Variants in SLC16A7 observed in about 807,000 individuals in gnomAD.
SLC16A7 encodes the protein monocarboxylate transporter 2.
Under a neutral mutation model 34.9 loss-of-function variants are expected in SLC16A7, and 33 were observed. The observed-to-expected ratio is 0.94, with a 90% CI of 0.72 to 1.26. SLC16A7 has a LOEUF of 1.26. SLC16A7 is among the 50% of genes most tolerant of loss of function. SLC16A7 has a pLI of 0.00. For missense variants in SLC16A7, 573 were observed against 578.1 expected (o/e 0.99, Z 0.09); for synonymous variants, 201 against 206.6 (o/e 0.97, Z 0.23).
At chr12:59,738,792 C>A (rs1051975730) in intron 3 of SLC16A7, among the ~76,000 whole-genome samples, 2 of 151,310 alleles carry the variant, frequency 1.3e-5, no homozygotes, top group Non-Finnish European at 2.9e-5. Flanking sequence ...GGATACTGAT[C>A]CTTATTAAGA....
intron 2 of SLC16A7, chr12:59,664,767 A>C (rs1012193222): frequency 1.3e-5 from 2 of 152,152 alleles, no homozygotes; most frequent in African/African-American, 4.8e-5. Context: ...CAGGTTCTTG[A>C]AAAAGAGAAA....
rs149403826 is a variant in SLC16A7, at chr12:59,760,539, A to G, written c.218-10680A>G. ...AGAAGAGATTAACAACAATTCATAA[A>G]AAAGAACAATAATATACTTTAGTAA... On this transcript the variant is annotated intron_variant, in intron 3 of 5. Coordinates refer to ENST00000547379, the MANE Select transcript of SLC16A7 (RefSeq NM_001270623.2). Among the ~76,000 whole-genome samples the G allele has an allele frequency of 1.4e-3, 211 of 152,236 alleles. 1 individual carries two copies. Among genetic ancestry groups the G allele is most frequent in the Middle Eastern group, 6.8e-3 (2 of 294 alleles).
At position 59,784,541 on chromosome 12, in the gene SLC16A7, C is replaced by A. The variant is rs761600995; in HGVS notation, c.*4862C>A. The stretch of plus-strand genomic sequence containing the variant: ...AATTTTCATCATTTAATACAACTTA[C>A]CCTACACCGTAGCTTATTTTTCAAG... On this transcript the variant is annotated 3_prime_UTR_variant, in exon 6 of 6. Coordinates refer to ENST00000547379, the MANE Select transcript of SLC16A7 (RefSeq NM_001270623.2). 5 of 152,152 alleles carry A rather than the reference C, an allele frequency of 3.3e-5. No individual in the cohort carries two copies. Among genetic ancestry groups the A allele is most frequent in the Non-Finnish European group, 7.3e-5 (5 of 68,030 alleles). The allele number at this position is 152,152 out of a possible 1,614,324, so 9.4% of individuals were successfully genotyped here.
intron 2 of SLC16A7, among the ~76,000 whole-genome samples, chr12:59,660,270 G>C (rs774926257): frequency 3.3e-5 from 5 of 151,944 alleles, no homozygotes; most frequent in Non-Finnish European, 7.4e-5. Context: ...CCAGTCCAGG[G>C]CAAAAGAGGT....
At chr12:59,738,831 T>TTC (rs1491225227) in intron 3 of SLC16A7, among the ~76,000 whole-genome samples, 1 of 140,210 alleles carries the variant, frequency 7.1e-6, no homozygotes, top group Admixed American at 7.2e-5. Flanking sequence ...TCCTCAAAGA[T>TTC]TTTTTTTTTT....
intron 3 of SLC16A7, among the ~76,000 whole-genome samples, chr12:59,764,426 C>T (rs1039985500): frequency 4.0e-5 from 6 of 151,802 alleles, no homozygotes; most frequent in Non-Finnish European, 5.9e-5. Flanking sequence ...TGGTGTGCTG[C>T]GCCCATTAAC....
At chr12:59,655,794 A>G (rs1235861306) in intron 2 of SLC16A7, among the ~76,000 whole-genome samples, 3 of 151,702 alleles carry the variant, frequency 2.0e-5, no homozygotes, top group African/African-American at 4.9e-5. Context: ...CCTTCATACA[A>G]TCTTGGTCTA....
intron 1 of SLC16A7, among the ~76,000 whole-genome samples, chr12:59,603,842 C>T (rs1052938868): frequency 2.0e-5 from 3 of 152,142 alleles, no homozygotes; most frequent in African/African-American, 7.2e-5. Flanking sequence ...CAATAAACCA[C>T]CATCTATTAT....
At position 59,779,763 on chromosome 12, in the gene SLC16A7, G is replaced by T. The variant is rs1187722907; in HGVS notation, c.*84G>T. 3 of 1,128,760 alleles carry T rather than the reference G, an allele frequency of 2.7e-6. No individual in the cohort carries two copies. Among genetic ancestry groups the T allele is most frequent in the African/African-American group, 1.6e-5 (1 of 63,666 alleles). 69.9% of individuals were successfully genotyped at this position (1,128,760 alleles called of 1,614,324 possible). The stretch of plus-strand genomic sequence containing the variant: ...TTTGTTTTTTTAAAGTATTAGAAAA[G>T]GTTTTAGCTGAAATGAGGAGTCACA... On this transcript the variant is annotated 3_prime_UTR_variant, in exon 6 of 6. Transcript: ENST00000547379.
At chr12:59,667,952 G>T (rs1417738566) in intron 2 of SLC16A7, among the ~76,000 whole-genome samples, 1 of 152,248 alleles carries the variant, frequency 6.6e-6, no homozygotes, top group African/African-American at 2.4e-5. Context: ...CATGGCTTCA[G>T]AGAGGACAAG....
chr12:59,754,168 T>G (rs954052189), intron 3 of SLC16A7, among the ~76,000 whole-genome samples: 1 of 151,998 alleles, frequency 6.6e-6, no homozygotes, highest in African/African-American at 2.4e-5. Context: ...AGATCAAAAA[T>G]TGACACCCTA....
At chr12:59,609,010 G>T (rs1381554586) in intron 1 of SLC16A7, among the ~76,000 whole-genome samples, 1 of 152,146 alleles carries the variant, frequency 6.6e-6, no homozygotes, top group East Asian at 1.9e-4. Context: ...TAGGGGCCAA[G>T]GGAAGCTTCC....
intron 3 of SLC16A7, among the ~76,000 whole-genome samples, chr12:59,706,680 G>T (rs1017650903): frequency 6.6e-6 from 1 of 152,080 alleles, no homozygotes; most frequent in Admixed American, 6.6e-5. Flanking sequence ...TGTGGGACAG[G>T]TGTTGTTTAA....
chr12:59,613,701 G>A (rs1303191835), intron 1 of SLC16A7, among the ~76,000 whole-genome samples: 2 of 152,106 alleles, frequency 1.3e-5, no homozygotes, highest in Non-Finnish European at 2.9e-5. Flanking sequence ...GGAGAGAGAT[G>A]ATGAAGAAAA....
rs189811060 is a variant in SLC16A7 at position 59,786,732 on chromosome 12, A to C, written c.*7053A>C. 281 of 152,294 alleles carry C rather than the reference A, an allele frequency of 1.8e-3. 1 individual carries two copies. Among genetic ancestry groups the C allele is most frequent in the African/African-American group, 5.9e-3 (247 of 41,574 alleles). The allele number at this position is 152,294 out of a possible 1,614,324, so 9.4% of individuals were successfully genotyped here. A position where few individuals can be genotyped will look rare whatever the true frequency, so the allele number is the denominator to read the frequency against. On this transcript the variant is annotated 3_prime_UTR_variant, in exon 6 of 6. Coordinates refer to ENST00000547379, the MANE Select transcript of SLC16A7 (RefSeq NM_001270623.2). ...TGGATTAAGGATTTTGCCTAAACCTATACCAATACTCTGAATAAATGCAGG... is the reference window on the plus strand; with the variant it reads ...TGGATTAAGGATTTTGCCTAAACCTCTACCAATACTCTGAATAAATGCAGG...
rs1883870876 is a variant in SLC16A7, at chr12:59,789,838, T to C, written c.*10159T>C. On this transcript the variant is annotated 3_prime_UTR_variant, in exon 6 of 6. Coordinates refer to ENST00000547379, the MANE Select transcript of SLC16A7 (RefSeq NM_001270623.2). The stretch of plus-strand genomic sequence containing the variant: ...AAAATTAAAATAAAAAAATTCATGT[T>C]AAATTTTTGAAATGAAATCTATACT... 1 of 148,854 alleles carries C rather than the reference T, an allele frequency of 6.7e-6. No individual in the cohort carries two copies. Among genetic ancestry groups the C allele is most frequent in the Non-Finnish European group, 1.5e-5 (1 of 66,006 alleles). The allele number at this position is 148,854 out of a possible 1,614,324, so 9.2% of individuals were successfully genotyped here.
intron 3 of SLC16A7, among the ~76,000 whole-genome samples, chr12:59,752,613 C>A (rs1396228760): frequency 1.3e-5 from 2 of 151,776 alleles, no homozygotes; most frequent in African/African-American, 4.9e-5. Context: ...TGTGAAAAGA[C>A]CAAATCTATG....
rs779089980 is a variant in SLC16A7 at position 59,771,256 on chromosome 12, C to T, written c.255C>T (p.Ser85=). The T allele has an allele frequency of 6.8e-6, 11 of 1,612,760 alleles. No individual in the cohort carries two copies. The highest frequency in any genetic ancestry group is 9.3e-6 in the Non-Finnish European group (11 of 1,179,450). ...GTGTTTTGGTGAATAAATACGGCAG[C>T]CGGCCGGTGGTGATAGCAGGAGGCT... The part of the protein sequence containing the change: ...VSSVLVNKYG[S]RPVVIAGGLL... Residue 85 remains serine (S), a synonymous_variant, in exon 4 of 6, where the codon AGC becomes AGT. Transcript: ENST00000547379.
chr12:59,746,799 A>G (rs1335014598), intron 3 of SLC16A7, among the ~76,000 whole-genome samples: 2 of 152,166 alleles, frequency 1.3e-5, no homozygotes, highest in Non-Finnish European at 2.9e-5. Context: ...TCAAAGTCAG[A>G]AAGGCAATAG....
Sources: gnomAD v4.1 joint callset for allele counts (sites outside exome capture counted in the v4.1 genomes callset) on GRCh38, gnomAD v4.1.1 for gene constraint, MANE v1.5 for transcripts, NCBI Gene and HGNC (gene_info 2026-07-23, HGNC 2026-07-21) for gene names.